PHC2: variants seen among roughly 807,000 people sequenced by gnomAD.
The protein encoded by PHC2 is polyhomeotic-like protein 2.
In PHC2, 29 loss-of-function variants were observed where a neutral mutation model predicts 87.4. The observed-to-expected ratio is 0.33, with a 90% confidence interval of 0.25 to 0.45. The LOEUF (loss-of-function observed/expected upper bound fraction) is 0.45. Ranked by LOEUF, PHC2 falls within the 20% of genes least tolerant of loss-of-function variation. The pLI is 1.00. For synonymous variants in PHC2, 438 were observed against 461.7 expected, an observed-to-expected ratio of 0.95 and a Z score of 0.66; for missense variants, 857 against 1,136.7, an observed-to-expected ratio of 0.75 and a Z score of 3.54.
At chr1:33,358,648 C>T (rs149693632) in intron 7 of PHC2, among the ~76,000 whole-genome samples, 11 of 152,254 alleles carry the variant, frequency 7.2e-5, no homozygotes, top group East Asian at 1.9e-4. Flanking sequence ...CACTAAAAAC[C>T]GCCAGGGACT....
chr1:33,335,339 C>A, intron 9 of PHC2: 1 of 985,422 alleles, frequency 1.0e-6, no homozygotes, highest in Non-Finnish European at 1.2e-6. Context: ...TGAGCTGAGG[C>A]TGCCTTTAAC....
rs569938798 is a variant in PHC2 at position 33,368,811 on chromosome 1, G to A, written c.577-189C>T. Among the ~76,000 whole-genome samples, 132 of 152,304 alleles carry A rather than the reference G, an allele frequency of 8.7e-4. No homozygotes were observed. Among genetic ancestry groups the A allele is most frequent in the Middle Eastern group, 3.4e-3 (1 of 294 alleles). ...GGACAGTAGAAGCAGAAAGGAAGGGGGAGTCCAAGGGGAGCGCCTGCCTTT... is the reference window on the plus strand; with the variant it reads ...GGACAGTAGAAGCAGAAAGGAAGGGAGAGTCCAAGGGGAGCGCCTGCCTTT... On this transcript the variant is annotated intron_variant, in intron 5 of 14. Transcript: ENST00000683057. This position sits in a 1 kb window ranked among gnomAD's most constrained non-coding sequence, Gnocchi z 6.6.
chr1:33,342,139 TC>T (rs977712177), intron 9 of PHC2, among the ~76,000 whole-genome samples: 2 of 152,216 alleles, frequency 1.3e-5, no homozygotes, highest in African/African-American at 4.8e-5. Context: ...ACACCTGAGT[TC>T]CTTGCAGGGG....
At chr1:33,345,812 T>C in intron 9 of PHC2, 6 of 985,268 alleles carry the variant, frequency 6.1e-6, no homozygotes, top group Non-Finnish European at 7.2e-6. Flanking sequence ...TAAAGCAGAA[T>C]TAAAGATGGT....
At position 33,333,884 on chromosome 1, in the gene PHC2, A is replaced by G. The variant is rs1570448596; in HGVS notation, c.1761+206T>C. On this transcript the variant is annotated intron_variant, in intron 10 of 14. Coordinates refer to ENST00000683057, the MANE Select transcript of PHC2 (RefSeq NM_001385109.1). ...AAACTTCTAACCAAGGGTCTTGTCA[A>G]TTATTCCTGATCACTGACCCCCCTC... The G allele has an allele frequency of 6.5e-5, 36 of 554,844 alleles. No individual in the cohort carries two copies. The East Asian group carries it at 1.1e-3, about 17-fold the overall frequency. 34.4% of individuals were successfully genotyped at this position (554,844 alleles called of 1,614,324 possible).
At chr1:33,381,720 A>AAAGTCG (rs1161246433) in intron 1 of PHC2, among the ~76,000 whole-genome samples, 5 of 150,824 alleles carry the variant, frequency 3.3e-5, no homozygotes, top group Non-Finnish European at 7.4e-5. Flanking sequence ...AGCATACTAG[A>AAAGTCG]TTTTCAGTTG....
At chr1:33,397,475 A>G (rs978262676) in intron 1 of PHC2, among the ~76,000 whole-genome samples, 10 of 152,214 alleles carry the variant, frequency 6.6e-5, no homozygotes, top group African/African-American at 2.4e-4. Context: ...CCTCTTAATT[A>G]TAATCTTACC....
intron 9 of PHC2, chr1:33,346,668 T>C: frequency 1.0e-5 from 10 of 985,370 alleles, no homozygotes; most frequent in Non-Finnish European, 1.2e-5. Flanking sequence ...ACTTTAACTT[T>C]ATTTTGGCTT....
intron 1 of PHC2, among the ~76,000 whole-genome samples, chr1:33,415,131 C>T (rs541920075): frequency 6.6e-6 from 1 of 152,268 alleles, no homozygotes; most frequent in East Asian, 1.9e-4. Context: ...GTCGAGGTGA[C>T]TGAGATTAGA....
rs922225489 is a variant in PHC2 at position 33,349,459 on chromosome 1, G to A, written c.1558+4942C>T. ...CCTCCCAGGCGCCGCGCGGACGAGA[G>A]CCGCGACTGGCACGGCCTGGCAGCC... On this transcript the variant is annotated intron_variant, in intron 9 of 14. Coordinates refer to ENST00000683057, the MANE Select transcript of PHC2 (RefSeq NM_001385109.1). This position sits in a 1 kb window ranked among gnomAD's most constrained non-coding sequence, Gnocchi z 4.2. 1.0e-6 allele frequency: 1 copy of A among 985,138 alleles called. No homozygotes were observed. The highest frequency in any genetic ancestry group is 1.2e-6 in the Non-Finnish European group (1 of 829,884). 61.0% of individuals were successfully genotyped at this position (985,138 alleles called of 1,614,324 possible).
At chr1:33,371,176 T>TG in intron 3 of PHC2, 82 bp from the exon 4 acceptor site, 1 of 1,182,636 alleles carries the variant, frequency 8.5e-7, no homozygotes, top group Non-Finnish European at 1.3e-6. Flanking sequence ...CAGGAGGTGC[T>TG]GCAGGCTGGT....
intron 7 of PHC2, chr1:33,363,767 GT>G: frequency 3.0e-6 from 3 of 985,384 alleles, no homozygotes; most frequent in Non-Finnish European, 3.6e-6. Context: ...AAAGCCTGGA[GT>G]TTATCCACTA....
intron 1 of PHC2, among the ~76,000 whole-genome samples, chr1:33,400,280 T>C (rs1473116336): frequency 6.6e-6 from 1 of 152,218 alleles, no homozygotes; most frequent in Non-Finnish European, 1.5e-5. Context: ...TTATAGGAGT[T>C]TGCACTCAGG....
intron 1 of PHC2, among the ~76,000 whole-genome samples, chr1:33,430,129 G>C (rs1189222193): frequency 6.6e-6 from 1 of 152,014 alleles, no homozygotes; most frequent in African/African-American, 2.4e-5. Flanking sequence ...ACCTGGGGAG[G>C]GGGGAAGATG....
chr1:33,335,182 G>A (rs982761889), intron 9 of PHC2: 8 of 985,158 alleles, frequency 8.1e-6, no homozygotes, highest in Non-Finnish European at 9.6e-6. Context: ...ACAACCACAC[G>A]ACAGTGAACT....
Position 33,324,837 on chromosome 1 carries a change from TG to T in PHC2, c.*27del. On this transcript the variant is annotated 3_prime_UTR_variant, in exon 15 of 15. Coordinates refer to ENST00000683057, the MANE Select transcript of PHC2 (RefSeq NM_001385109.1). ...TCTGCTCAGTCGGGAGGAGGCGCCC[TG>T]GGCCAGAATCCTGGCTGCCACCAGC... 1 of 1,596,190 alleles carries T rather than the reference TG, an allele frequency of 6.3e-7. No homozygotes were observed.
At chr1:33,378,953 T>C (rs1648318083) in intron 1 of PHC2, among the ~76,000 whole-genome samples, 6 of 152,090 alleles carry the variant, frequency 3.9e-5, no homozygotes. Context: ...ATCATTAATG[T>C]CCTGTTGCTA....
chr1:33,335,996 GTTTTT>G (rs200111745), intron 9 of PHC2, among the ~76,000 whole-genome samples: 17 of 146,572 alleles, frequency 1.2e-4, no homozygotes, highest in African/African-American at 2.2e-4. Context: ...TGTTGTTGTT[GTTTTT>G]TTTTTTAGAT....
At position 33,352,013 on chromosome 1, in the gene PHC2, A is replaced by G. The variant is rs539366356; in HGVS notation, c.1558+2388T>C. 2.6e-5 allele frequency among the ~76,000 whole-genome samples: 4 copies of G among 151,726 alleles called. No individual in the cohort carries two copies. The East Asian group carries it at 7.8e-4, about 30-fold the overall frequency. On this transcript the variant is annotated intron_variant, in intron 9 of 14. Transcript: ENST00000683057. ...GATATTTAAGTCTTGGGTGGTTGACAGTTGTTTCCACTGTGTAAAGCTTAC... is the reference window on the plus strand; with the variant it reads ...GATATTTAAGTCTTGGGTGGTTGACGGTTGTTTCCACTGTGTAAAGCTTAC...
Sources: allele counts gnomAD v4.1 joint callset (sites outside exome capture counted in the v4.1 genomes callset), GRCh38; gene constraint gnomAD v4.1.1; non-coding constraint Gnocchi (gnomAD v3.1); transcripts MANE v1.5; gene names NCBI Gene and HGNC (gene_info 2026-07-23, HGNC 2026-07-21).